Variants in SHISA6 observed in about 807,000 individuals in gnomAD.
The protein encoded by SHISA6 is shisa family member 6, also known as protein shisa-6.
A neutral mutation model predicts 47.9 loss-of-function variants in SHISA6; 22 were observed. That is an observed-to-expected ratio of 0.46 (90% CI 0.33 to 0.66). SHISA6 has a LOEUF of 0.66. Ranked by LOEUF, SHISA6 falls within the 30% of genes least tolerant of loss-of-function variation. The pLI is 0.02. For missense variants in SHISA6, 680 were observed against 764.6 expected (o/e 0.89, Z 1.30); for synonymous variants, 388 against 337.8 (o/e 1.15, Z -1.63).
intron 3 of SHISA6, among the ~76,000 whole-genome samples, chr17:11,425,551 T>A (rs1185296235): frequency 1.3e-5 from 2 of 152,200 alleles, no homozygotes; most frequent in African/African-American, 2.4e-5. Flanking sequence ...TAATAAAGAA[T>A]TCCTTTGGCT....
rs149298306 is a variant in SHISA6, at chr17:11,504,086, T to G, written c.896-47810T>G. Among the ~76,000 whole-genome samples the G allele has an allele frequency of 3.1e-3, 474 of 152,328 alleles. 3 individuals are homozygous for G. Among genetic ancestry groups the G allele is most frequent in the Admixed American group, 3.8e-3 (58 of 15,304 alleles). ...TTACCAAAAAGCAGTGGGTTGTATA[T>G]AAAATGACTTCTTGATGACCTTGGA... On this transcript the variant is annotated intron_variant, in intron 3 of 5. Transcript: ENST00000441885.
intron 3 of SHISA6, among the ~76,000 whole-genome samples, chr17:11,416,746 A>C (rs1769078106): frequency 6.6e-6 from 1 of 152,236 alleles, no homozygotes; most frequent in Non-Finnish European, 1.5e-5. Flanking sequence ...ATATTACTTC[A>C]GACTTCTGGT....
At chr17:11,294,784 A>G (rs535272190) in intron 2 of SHISA6, among the ~76,000 whole-genome samples, 6 of 152,248 alleles carry the variant, frequency 3.9e-5, no homozygotes, top group African/African-American at 1.4e-4. Context: ...CACCACTAAA[A>G]GATTGGTTCT....
At chr17:11,460,339 A>C (rs1312925240) in intron 3 of SHISA6, among the ~76,000 whole-genome samples, 3 of 152,188 alleles carry the variant, frequency 2.0e-5, no homozygotes, top group Admixed American at 2.0e-4. Context: ...CAGCAGAAAA[A>C]AAACAACGAT....
At chr17:11,303,271 A>C (rs1297523189) in intron 2 of SHISA6, among the ~76,000 whole-genome samples, 1 of 150,974 alleles carries the variant, frequency 6.6e-6, no homozygotes, top group Non-Finnish European at 1.5e-5. Context: ...GGTTGTGAGT[A>C]TGTGTGTGGT....
intron 2 of SHISA6, among the ~76,000 whole-genome samples, chr17:11,374,977 A>G (rs758401364): frequency 1.3e-5 from 2 of 152,138 alleles, no homozygotes; most frequent in Non-Finnish European, 2.9e-5. Flanking sequence ...CTCCACCAGT[A>G]TACTGTCCCA....
chr17:11,272,952 T>C (rs1334345918), intron 2 of SHISA6, among the ~76,000 whole-genome samples: 2 of 152,242 alleles, frequency 1.3e-5, no homozygotes, highest in African/African-American at 4.8e-5. Flanking sequence ...CCTGAGTTCC[T>C]GTGTCTTGTT....
intron 3 of SHISA6, among the ~76,000 whole-genome samples, chr17:11,429,193 C>T (rs1914684522): frequency 2.0e-5 from 3 of 152,152 alleles, no homozygotes; most frequent in South Asian, 2.1e-4. Context: ...TATCTGGACA[C>T]TGCCCTCAGT....
chr17:11,399,114 A>C (rs2142262608), intron 3 of SHISA6, among the ~76,000 whole-genome samples: 1 of 152,286 alleles, frequency 6.6e-6, no homozygotes. Flanking sequence ...TAGGAATAAC[A>C]GTGGTAATTA....
At chr17:11,444,179 C>T (rs1459706109) in intron 3 of SHISA6, among the ~76,000 whole-genome samples, 1 of 152,050 alleles carries the variant, frequency 6.6e-6, no homozygotes, top group Non-Finnish European at 1.5e-5. Flanking sequence ...ATTAGCTAGG[C>T]GTGGTGGCAC....
At chr17:11,557,174 T>A (rs1027621794) in intron 5 of SHISA6, among the ~76,000 whole-genome samples, 2 of 152,226 alleles carry the variant, frequency 1.3e-5, no homozygotes, top group Admixed American at 1.3e-4. Context: ...TGTTACGATG[T>A]TCCTAAGTTA....
intron 3 of SHISA6, among the ~76,000 whole-genome samples, chr17:11,550,591 G>A (rs533593006): frequency 2.0e-5 from 3 of 152,280 alleles, no homozygotes; most frequent in East Asian, 1.9e-4. Flanking sequence ...AAATGGTGAC[G>A]ATGATTGAAG....
chr17:11,398,626 C>T (rs1335741525), intron 3 of SHISA6, among the ~76,000 whole-genome samples: 1 of 151,920 alleles, frequency 6.6e-6, no homozygotes, highest in Admixed American at 6.6e-5. Flanking sequence ...CAGACTCTCG[C>T]TCTGTTGCCA....
chr17:11,403,124 A>G (rs1913835471), intron 3 of SHISA6, among the ~76,000 whole-genome samples: 1 of 152,316 alleles, frequency 6.6e-6, no homozygotes, highest in Non-Finnish European at 1.5e-5. Flanking sequence ...GTACCAAGGG[A>G]TATCCCTAAG....
At chr17:11,364,901 G>A (rs562849459) in intron 2 of SHISA6, among the ~76,000 whole-genome samples, 2 of 152,312 alleles carry the variant, frequency 1.3e-5, no homozygotes, top group Admixed American at 1.3e-4. Flanking sequence ...TCTGGTGAGT[G>A]TAAGGTGGTA....
At chr17:11,367,008 G>A (rs990351457) in intron 2 of SHISA6, among the ~76,000 whole-genome samples, 1 of 152,166 alleles carries the variant, frequency 6.6e-6, no homozygotes, top group Non-Finnish European at 1.5e-5. Flanking sequence ...GTGATAAGAA[G>A]AACGGAAAGG....
intron 3 of SHISA6, among the ~76,000 whole-genome samples, chr17:11,423,326 T>TAGATAG (rs1555534343): frequency 2.8e-5 from 4 of 142,678 alleles, no homozygotes; most frequent in African/African-American, 5.3e-5. Flanking sequence ...GTAACATATA[T>TAGATAG]ATAGATAGAT....
chr17:11,512,160 T>G (rs1034901396), intron 3 of SHISA6, among the ~76,000 whole-genome samples: 20 of 152,368 alleles, frequency 1.3e-4, no homozygotes, highest in African/African-American at 4.8e-4. Context: ...AAAAATCACC[T>G]CCTTGAATGA....
chr17:11,434,665 C>G (rs553788606), intron 3 of SHISA6, among the ~76,000 whole-genome samples: 1 of 152,286 alleles, frequency 6.6e-6, no homozygotes, highest in Non-Finnish European at 1.5e-5. Flanking sequence ...GAGAGACTTA[C>G]ATAAGACATA....
Sources: gnomAD v4.1 joint callset for allele counts (sites outside exome capture counted in the v4.1 genomes callset) on GRCh38, gnomAD v4.1.1 for gene constraint, MANE v1.5 for transcripts, NCBI Gene and HGNC (gene_info 2026-07-23, HGNC 2026-07-21) for gene names.